The following SLC17A7 variants were observed in gnomAD, a reference collection of about 807,000 sequenced individuals.
SLC17A7 encodes the protein solute carrier family 17 member 7.
Under a neutral mutation model 59.1 loss-of-function variants are expected in SLC17A7, and 15 were observed. The observed-to-expected ratio is 0.25, with a 90% CI of 0.17 to 0.39. The LOEUF is 0.39. Among genes scored for constraint, SLC17A7 ranks in the 10% least tolerant of loss-of-function variants. The pLI, the probability that SLC17A7 is intolerant of heterozygous loss-of-function variation, is 1.00. For synonymous variants in SLC17A7, 353 were observed against 308.9 expected, an observed-to-expected ratio of 1.14 and a Z score of -1.50; for missense variants, 499 against 765.1, an observed-to-expected ratio of 0.65 and a Z score of 4.10.
In SLC17A7 at chr19:49,430,756, A is replaced by T. The variant is rs1169118052; in HGVS notation, c.1446T>A (p.Gly482=). The T allele has an allele frequency of 8.1e-6, 13 of 1,613,738 alleles. No homozygotes were observed. In the South Asian group the frequency reaches 1.3e-4, roughly 16 times the overall value. The change falls in exon 12 of 12, where the codon GGT becomes GGA. Residue 482 remains glycine (G), a synonymous_variant. Coordinates refer to ENST00000221485, the MANE Select transcript of SLC17A7 (RefSeq NM_020309.4). ...FLIASLVHYG[G]VIFYGVFASG... The stretch of plus-strand genomic sequence containing the variant: ...AAGCAAAGACCCCGTAGAAGATGAC[A>T]CCTCCATAGTGCACCAGGGAGGCAA...
At chr19:49,439,292 G>A (rs1320108183) in intron 1 of SLC17A7, among the ~76,000 whole-genome samples, 5 of 152,004 alleles carry the variant, frequency 3.3e-5, no homozygotes, top group Non-Finnish European at 5.9e-5. Flanking sequence ...ACTGAGGCTC[G>A]GGGAGCTGAA....
chr19:49,434,712 C>T (rs2078973748), intron 4 of SLC17A7, 23 bp from the exon 5 acceptor site: 1 of 1,614,160 alleles, frequency 6.2e-7, no homozygotes, highest in Non-Finnish European at 8.5e-7. Flanking sequence ...AAACCAAGGT[C>T]ACTGAGAAGA....
chr19:49,430,522 G>A lies in SLC17A7; in HGVS notation c.1680C>T (p.Tyr560=), dbSNP rs772866160. The A allele has an allele frequency of 1.9e-6, 3 of 1,568,224 alleles. No individual in the cohort carries two copies. In the East Asian group the frequency reaches 6.7e-5, roughly 35 times the overall value. The stretch of plus-strand genomic sequence containing the variant: ...CCATTCAGTGGGAGGCACATGGTCA[G>A]TAGTCCCGGACAGGGGGTGGGGGCC... ...PPRPPPPVRD[Y] The change falls in exon 12 of 12, where the codon TAC becomes TAT. Residue 560 remains tyrosine, a synonymous_variant. Coordinates refer to ENST00000221485, the MANE Select transcript of SLC17A7 (RefSeq NM_020309.4).
rs189566954 is a variant in SLC17A7 at position 49,440,654 on chromosome 19, C to T, written c.62+664G>A. Among the ~76,000 whole-genome samples the T allele has an allele frequency of 3.3e-5, 5 of 152,312 alleles. No individual in the cohort carries two copies. In the East Asian group the frequency reaches 5.8e-4, roughly 18 times the overall value. ...CCCTCAAGGACAACGGGCTATGAGC[C>T]CCAATCCGCTTTAGCTGCAGATTAA... On this transcript the variant is annotated intron_variant, in intron 1 of 11. Transcript: ENST00000221485.
At position 49,433,821 on chromosome 19, in the gene SLC17A7, C is replaced by A; in HGVS notation, c.772G>T (p.Glu258Ter). The A allele has an allele frequency of 6.2e-7, 1 of 1,613,380 alleles. No homozygotes were observed. Among genetic ancestry groups the A allele is most frequent in the Non-Finnish European group, 8.5e-7 (1 of 1,179,554 alleles). Reference sequence around the variant, plus strand: ...ATGCTGGGGTGCAGCGCGGGGGACTCGTAGGAGACGAGCAGCCAGAACAGG... The same window carrying A: ...ATGCTGGGGTGCAGCGCGGGGGACTAGTAGGAGACGAGCAGCCAGAACAGG... The part of the protein sequence containing the change: ...WYLFWLLVSY[E>*]SPALHPSISE... The change falls in exon 7 of 12, where the codon GAG becomes TAG. Residue 258 changes from glutamate to a stop codon, truncating the protein, a stop_gained. Coordinates refer to ENST00000221485, the MANE Select transcript of SLC17A7 (RefSeq NM_020309.4). LOFTEE classifies it high-confidence loss of function. The surrounding 1 kb of genome is among the most constrained non-coding windows in gnomAD (Gnocchi z 5.7).
intron 1 of SLC17A7, among the ~76,000 whole-genome samples, chr19:49,440,548 C>T (rs1344435829): frequency 6.6e-6 from 1 of 152,168 alleles, no homozygotes; most frequent in Non-Finnish European, 1.5e-5. Flanking sequence ...TGTCCTACCC[C>T]AGGAGCCGAA....
rs1390190877 is a variant in SLC17A7 at position 49,432,853 on chromosome 19, C to T, written c.975G>A (p.Gln325=). 3.1e-6 allele frequency: 5 copies of T among 1,592,390 alleles called. No homozygotes were observed. The Admixed American group carries it at 7.1e-5, about 23-fold the overall frequency. Residue 325 remains glutamine, a synonymous_variant, in exon 8 of 12, where the codon CAG becomes CAA. Transcript: ENST00000221485. ...CGAACACTTCTTCGAAGTAGGCGGG[C>T]TGGGAGATGAGCAGCAGGTAGAACG... ...SWTFYLLLIS[Q]PAYFEEVFGF... is the part of the protein sequence containing the mutation.
rs991715164 is a variant in SLC17A7, at chr19:49,436,381, T to C, written c.315+168A>G. ...GGGCTTAGGAAACGGAGGCGGCCCC[T>C]AAGGCGAGGTCAGAACTAAGGGGCG... On this transcript the variant is annotated intron_variant, in intron 2 of 11. Transcript: ENST00000221485. The surrounding 1 kb of genome is among the most constrained non-coding windows in gnomAD (Gnocchi z 4.1). 6.6e-6 allele frequency among the ~76,000 whole-genome samples: 1 copy of C among 152,110 alleles called. No homozygotes were observed. Among genetic ancestry groups the C allele is most frequent in the African/African-American group, 2.4e-5 (1 of 41,410 alleles).
At position 49,433,221 on chromosome 19, in the gene SLC17A7, CCTGT is replaced by C. The variant is rs1278377393; in HGVS notation, c.868-265_868-262del. 3.8e-6 allele frequency: 2 copies of C among 526,436 alleles called. No homozygotes were observed. The highest frequency in any genetic ancestry group is 6.7e-6 in the Non-Finnish European group (2 of 299,954). 32.6% of individuals were successfully genotyped at this position (526,436 alleles called of 1,614,324 possible). A position where few individuals can be genotyped will look rare whatever the true frequency, so the allele number is the denominator to read the frequency against. On this transcript the variant is annotated intron_variant, in intron 7 of 11. Transcript: ENST00000221485. This position sits in a 1 kb window ranked among gnomAD's most constrained non-coding sequence, Gnocchi z 5.7. ...CGCAGGTGTCCGGGCCCCTCAGGGA[CCTGT>C]CTTTTTCTTTTTTTCTTTTTATTTT...
chr19:49,430,513 A>T lies in SLC17A7; in HGVS notation c.*6T>A. Reference sequence around the variant, plus strand: ...TGGAAACTGCCATTCAGTGGGAGGCACATGGTCAGTAGTCCCGGACAGGGG... The same window carrying T: ...TGGAAACTGCCATTCAGTGGGAGGCTCATGGTCAGTAGTCCCGGACAGGGG... On this transcript the variant is annotated 3_prime_UTR_variant, in exon 12 of 12. Coordinates refer to ENST00000221485, the MANE Select transcript of SLC17A7 (RefSeq NM_020309.4). 6.4e-7 allele frequency: 1 copy of T among 1,555,900 alleles called. No homozygotes were observed. The highest frequency in any genetic ancestry group is 2.3e-5 in the East Asian group (1 of 44,356).
intron 1 of SLC17A7, chr19:49,437,133 C>G: frequency 2.5e-6 from 1 of 405,408 alleles, no homozygotes; most frequent in East Asian, 4.6e-5. Context: ...GCCCCCACTC[C>G]GAGGCCCAAA....
At position 49,430,481 on chromosome 19, in the gene SLC17A7, G is replaced by A; in HGVS notation, c.*38C>T. 6.8e-7 allele frequency: 1 copy of A among 1,475,590 alleles called. No homozygotes were observed. The highest frequency in any genetic ancestry group is 2.3e-5 in the East Asian group (1 of 43,830). The allele number at this position is 1,475,590 out of a possible 1,614,324, so 91.4% of individuals were successfully genotyped here. A position where few individuals can be genotyped will look rare whatever the true frequency, so the allele number is the denominator to read the frequency against. On this transcript the variant is annotated 3_prime_UTR_variant, in exon 12 of 12. Transcript: ENST00000221485. ...ACTCAGGCCAGAGATGAGTGGAATG[G>A]AGGTCCTGGAAACTGCCATTCAGTG...
intron 1 of SLC17A7, chr19:49,437,060 T>G: frequency 1.8e-6 from 1 of 561,274 alleles, no homozygotes; most frequent in Non-Finnish European, 3.2e-6. Flanking sequence ...CTCCCAGCTC[T>G]GTCAAATCCT....
In SLC17A7 at chr19:49,432,862, G is replaced by A. The variant is rs373295221; in HGVS notation, c.966C>T (p.Leu322=). The A allele has an allele frequency of 1.6e-5, 26 of 1,593,492 alleles. 1 individual carries two copies. The Admixed American group carries it at 4.1e-4, about 25-fold the overall frequency. ...CTTCGAAGTAGGCGGGCTGGGAGAT[G>A]AGCAGCAGGTAGAACGTCCAGCTGC... ...FCRSWTFYLL[L]ISQPAYFEEV... The change falls in exon 8 of 12, where the codon CTC becomes CTT. Residue 322 remains leucine, a synonymous_variant. Transcript: ENST00000221485.
chr19:49,434,431 C>T (rs2078972842), intron 5 of SLC17A7, among the ~76,000 whole-genome samples, 171 bp downstream of exon 5: 1 of 149,906 alleles, frequency 6.7e-6, no homozygotes, highest in Admixed American at 6.6e-5. Flanking sequence ...ACCCAGGAGT[C>T]CAGCCCCAGC....
Position 49,430,187 on chromosome 19 carries a change from G to A in SLC17A7, c.*332C>T, listed in dbSNP as rs958715210. The stretch of plus-strand genomic sequence containing the variant: ...GGAGATAAAGGAAAGCGGGGGGTGT[G>A]GGTGCCTCAAAACCACAAGAGAGAG... On this transcript the variant is annotated 3_prime_UTR_variant, in exon 12 of 12. Transcript: ENST00000221485. The A allele has an allele frequency of 3.6e-5, 7 of 196,960 alleles. No homozygotes were observed. The South Asian group carries it at 6.2e-4, about 18-fold the overall frequency. 12.2% of individuals were successfully genotyped at this position (196,960 alleles called of 1,614,324 possible).
intron 5 of SLC17A7, 55 bp downstream of exon 5, chr19:49,434,547 A>G: frequency 2.2e-6 from 3 of 1,361,458 alleles, no homozygotes; most frequent in Non-Finnish European, 3.0e-6. Context: ...CCAACAGTCC[A>G]GGCCCCAACC....
rs2078961346 is a variant in SLC17A7, at chr19:49,431,760, A to G, written c.1151-312T>C. 6.8e-6 allele frequency among the ~76,000 whole-genome samples: 1 copy of G among 147,786 alleles called. No homozygotes were observed. Among genetic ancestry groups the G allele is most frequent in the Admixed American group, 6.7e-5 (1 of 14,850 alleles). ...CTGTGCACGCTCACACCTTCCCCTCAATCCCCACTCATGAGTTTTTGGTTT... is the reference window on the plus strand; with the variant it reads ...CTGTGCACGCTCACACCTTCCCCTCGATCCCCACTCATGAGTTTTTGGTTT... On this transcript the variant is annotated intron_variant, in intron 9 of 11. Transcript: ENST00000221485. This position sits in a 1 kb window ranked among gnomAD's most constrained non-coding sequence, Gnocchi z 4.6.
At chr19:49,432,392 T>C (rs746806955) in intron 9 of SLC17A7, 127 bp downstream of exon 9, 25 of 1,303,884 alleles carry the variant, frequency 1.9e-5, no homozygotes, top group Non-Finnish European at 2.5e-5. Context: ...CCACGGCCCT[T>C]TGCATAGAAA....
Sources: allele counts gnomAD v4.1 joint callset (sites outside exome capture counted in the v4.1 genomes callset), GRCh38; gene constraint gnomAD v4.1.1; non-coding constraint Gnocchi (gnomAD v3.1); transcripts MANE v1.5; gene names NCBI Gene and HGNC (gene_info 2026-07-23, HGNC 2026-07-21).